FRY: variants seen among roughly 807,000 people sequenced by gnomAD.
FRY encodes FRY microtubule binding protein.
FRY carries 128 observed loss-of-function variants against 348.4 expected under a neutral mutation model. The observed-to-expected ratio is 0.37, with a 90% CI of 0.32 to 0.43. The LOEUF is 0.43. Ranked by LOEUF, FRY falls within the 20% of genes least tolerant of loss-of-function variation. The pLI is 1.00. For missense variants in FRY, 2,736 were observed against 3,695.2 expected, an observed-to-expected ratio of 0.74 and a Z score of 6.73; for synonymous variants, 1,370 against 1,374.7, an observed-to-expected ratio of 1.00 and a Z score of 0.08.
chr13:32,109,971 G>C (rs1289773242), intron 3 of FRY, among the ~76,000 whole-genome samples: 2 of 152,176 alleles, frequency 1.3e-5, no homozygotes, highest in Non-Finnish European at 2.9e-5. Context: ...CTCTAGGGCA[G>C]GGATGGCCCA....
intron 25 of FRY, 53 bp downstream of exon 25, chr13:32,184,744 G>C (rs1272180817): frequency 8.9e-7 from 1 of 1,124,378 alleles, no homozygotes. Flanking sequence ...TGATCTTTTT[G>C]TTTTCTTTCT....
chr13:32,218,703 A>G (rs1211558600), intron 35 of FRY, 46 bp from the exon 36 acceptor site: 1 of 1,044,740 alleles, frequency 9.6e-7, no homozygotes, highest in South Asian at 1.3e-5. Flanking sequence ...AAAAGCGCAT[A>G]TGCACACATG....
chr13:32,205,672 A>G (rs1364698076), intron 31 of FRY, among the ~76,000 whole-genome samples: 1 of 152,058 alleles, frequency 6.6e-6, no homozygotes, highest in East Asian at 1.9e-4. Flanking sequence ...AGAGCTCTGT[A>G]AACAGAGAGA....
intron 58 of FRY, among the ~76,000 whole-genome samples, chr13:32,286,491 T>G (rs1204166280): frequency 2.6e-5 from 4 of 152,100 alleles, no homozygotes; most frequent in Non-Finnish European, 4.4e-5. Context: ...CTCAGGCATG[T>G]AATCCCAGCA....
chr13:32,257,160 A>T (rs1887383378), intron 51 of FRY, among the ~76,000 whole-genome samples: 1 of 152,208 alleles, frequency 6.6e-6, no homozygotes, highest in Non-Finnish European at 1.5e-5. Context: ...AGCATTTTGA[A>T]TAAGGCATAC....
chr13:32,074,906 G>A (rs1037513155), intron 1 of FRY, among the ~76,000 whole-genome samples: 2 of 152,172 alleles, frequency 1.3e-5, no homozygotes, highest in Non-Finnish European at 2.9e-5. Context: ...ACCAAGCCAG[G>A]TGGAGGAGAC....
At position 32,131,741 on chromosome 13, in the gene FRY, T is replaced by C. The variant is rs756692754; in HGVS notation, c.786T>C (p.Tyr262=). 18 of 1,612,736 alleles carry C rather than the reference T, an allele frequency of 1.1e-5. No homozygotes were observed. The Admixed American group carries it at 3.0e-4, about 27-fold the overall frequency. The change falls in exon 8 of 61, where the codon TAT becomes TAC. Residue 262 remains tyrosine (Y), a synonymous_variant. Transcript: ENST00000542859. ...TACGGCACAAAGAGCAGAACCCATA[T>C]GTGGTTCAAAGCATTATCAGCTTAA... is the stretch of plus-strand genomic sequence containing the variant. ...KELRHKEQNP[Y]VVQSIISLIM...
chr13:32,131,960 C>A (rs1879394721), intron 8 of FRY, 120 bp downstream of exon 8: 1 of 810,614 alleles, frequency 1.2e-6, no homozygotes, highest in South Asian at 1.4e-5. Context: ...ATTCTACTGT[C>A]TAAATAATTC....
chr13:32,032,834 A>T, intron 1 of FRY, among the ~76,000 whole-genome samples: 1 of 152,228 alleles, frequency 6.6e-6, no homozygotes, highest in Non-Finnish European at 1.5e-5. Context: ...TCCCCGTGAA[A>T]ATTTTAATAT....
intron 58 of FRY, among the ~76,000 whole-genome samples, chr13:32,283,718 A>G (rs1031306729): frequency 2.6e-5 from 4 of 152,204 alleles, no homozygotes; most frequent in African/African-American, 4.8e-5. Flanking sequence ...TAGTAATACC[A>G]GTTCTCTGTG....
intron 1 of FRY, among the ~76,000 whole-genome samples, chr13:32,048,453 T>A (rs1276756622): frequency 6.6e-6 from 1 of 152,114 alleles, no homozygotes; most frequent in Admixed American, 6.5e-5. Flanking sequence ...AAGTGTAGAG[T>A]GAAATGATGT....
At chr13:32,245,316 A>T (rs547018691) in intron 47 of FRY, among the ~76,000 whole-genome samples, 1 of 152,208 alleles carries the variant, frequency 6.6e-6, no homozygotes, top group South Asian at 2.1e-4. Context: ...AATAAAAATA[A>T]ATATCAAGGC....
intron 60 of FRY, 121 bp from the exon 61 acceptor site, chr13:32,295,081 A>C: frequency 2.5e-5 from 21 of 839,490 alleles, no homozygotes; most frequent in Non-Finnish European, 3.8e-5. Context: ...TACCTGATAC[A>C]GGAATTCCAT....
chr13:32,202,491 A>G lies in FRY; in HGVS notation c.3982A>G (p.Arg1328Gly). ...TGCCCTCTTGTCATGTGAGCTGGCC[A>G]GGATGTACCCTGAGCTCACACTCCC... The part of the protein sequence containing the change: ...SLALLSCELA[R>G]MYPELTLPLF... Residue 1328 changes from arginine to glycine, a missense_variant, in exon 31 of 61, where the codon AGG becomes GGG. Around this residue, in one of 9 missense-constraint regions of FRY, gnomAD observed 794 missense variants for 977.0 expected, o/e 0.81. Transcript: ENST00000542859. 1 of 1,613,940 alleles carries G rather than the reference A, an allele frequency of 6.2e-7. No homozygotes were observed. Among genetic ancestry groups the G allele is most frequent in the African/African-American group, 1.3e-5 (1 of 75,028 alleles).
intron 60 of FRY, among the ~76,000 whole-genome samples, chr13:32,294,798 G>A (rs1159997075): frequency 1.3e-5 from 2 of 152,190 alleles, no homozygotes; most frequent in African/African-American, 2.4e-5. Context: ...AAATGCTGAA[G>A]CACTTCAAAA....
At chr13:32,273,016 T>C (rs931793191) in intron 55 of FRY, among the ~76,000 whole-genome samples, 1 of 151,974 alleles carries the variant, frequency 6.6e-6, no homozygotes, top group African/African-American at 2.4e-5. Flanking sequence ...AAAAGTGTTC[T>C]TGTTTTGGCA....
rs142676207 is a variant in FRY at position 32,046,861 on chromosome 13, A to G, written c.70+14996A>G. ...TTATGTAATACAAAATATAGAAAGA[A>G]ATTATGTAGGCTCATTTGATTTACT... On this transcript the variant is annotated intron_variant, in intron 1 of 60. Coordinates refer to ENST00000542859, the MANE Select transcript of FRY (RefSeq NM_023037.3). Among the ~76,000 whole-genome samples, 23 of 152,340 alleles carry G rather than the reference A, an allele frequency of 1.5e-4. No homozygotes were observed. The East Asian group carries it at 3.5e-3, about 23-fold the overall frequency.
intron 59 of FRY, 35 bp downstream of exon 59, chr13:32,289,778 C>A: frequency 9.4e-7 from 1 of 1,064,846 alleles, no homozygotes; most frequent in Non-Finnish European, 1.5e-6. Context: ...CACGTCCCAC[C>A]ACAAAAACCA....
At chr13:32,050,558 G>A (rs1188603793) in intron 1 of FRY, among the ~76,000 whole-genome samples, 2 of 152,156 alleles carry the variant, frequency 1.3e-5, no homozygotes, top group Admixed American at 1.3e-4. Context: ...AGGAGAAAAT[G>A]TCTCCTAATC....
Sources: gnomAD v4.1 joint callset for allele counts (sites outside exome capture counted in the v4.1 genomes callset) on GRCh38, gnomAD v4.1.1 for gene constraint, gnomAD v4.1.1 regional missense constraint, MANE v1.5 for transcripts, NCBI Gene and HGNC (gene_info 2026-07-23, HGNC 2026-07-21) for gene names.